The following MGAT5B variants were observed in gnomAD, a reference collection of about 807,000 sequenced individuals.
MGAT5B encodes N-acetylglucosaminyl-transferase Vb.
Under a neutral mutation model 95.1 loss-of-function variants are expected in MGAT5B, and 54 were observed. The ratio of observed to expected loss-of-function variants is 0.57; its 90% CI spans 0.46 to 0.71. MGAT5B has a LOEUF of 0.71. Among genes scored for constraint, MGAT5B ranks in the 30% least tolerant of loss-of-function variants. MGAT5B has a pLI of 0.00. For missense variants in MGAT5B, 935 were observed against 1,088.6 expected (o/e 0.86, Z 1.99); for synonymous variants, 464 against 451.0 (o/e 1.03, Z -0.36).
Position 76,869,042 on chromosome 17 carries a change from A to G in MGAT5B, c.13A>G (p.Asn5Asp), listed in dbSNP as rs1966895303. The change falls in exon 1 of 18, where the codon AAC (asparagine) becomes GAC (aspartate). Residue 5 changes from asparagine to aspartate, a missense_variant. By Grantham distance (23) the Asn-to-Asp change is conservative. Transcript: ENST00000569840. This position sits in a 1 kb window ranked among gnomAD's most constrained non-coding sequence, Gnocchi z 7.0. ...ACAAGTTTGAACAATGATCACCGTC[A>G]ACCCCGATGGGAAGATAATGGTCAG... Reference protein sequence around the residue: MITVNPDGKIMVRRC... With the variant: MITVDPDGKIMVRRC... The G allele has an allele frequency of 6.2e-7, 1 of 1,613,930 alleles. No homozygotes were observed.
chr17:76,913,994 A>G (rs1968837109), intron 8 of MGAT5B: 1 of 344,580 alleles, frequency 2.9e-6, no homozygotes, highest in African/African-American at 2.1e-5. Context: ...CCAGCTACTC[A>G]GGCGACTGAG....
At chr17:76,923,124 A>G (rs1969171871) in intron 8 of MGAT5B, among the ~76,000 whole-genome samples, 1 of 152,136 alleles carries the variant, frequency 6.6e-6, no homozygotes, top group South Asian at 2.1e-4. Context: ...TGCTAACGGG[A>G]TGGTGCGCAC....
intron 3 of MGAT5B, among the ~76,000 whole-genome samples, chr17:76,898,811 G>GT (rs1188744458): frequency 2.6e-5 from 4 of 152,188 alleles, no homozygotes; most frequent in Non-Finnish European, 4.4e-5. Context: ...TGCACCCTAT[G>GT]TGTAGTCTTT....
chr17:76,869,213 C>T lies in MGAT5B; in HGVS notation c.68+116C>T, dbSNP rs951387049. ...GCAGAGGGGGCGGTTCACACTTCAA[C>T]CCCTGGTGATGACCAGTGGGGCTGG... On this transcript the variant is annotated intron_variant, in intron 1 of 17. Transcript: ENST00000569840. The surrounding 1 kb of genome is among the most constrained non-coding windows in gnomAD (Gnocchi z 7.0). The T allele has an allele frequency of 4.4e-6, 4 of 911,710 alleles. No homozygotes were observed. The East Asian group carries it at 7.4e-5, about 17-fold the overall frequency. 56.5% of individuals were successfully genotyped at this position (911,710 alleles called of 1,614,324 possible).
intron 3 of MGAT5B, among the ~76,000 whole-genome samples, chr17:76,901,255 G>A (rs16969481): frequency 0.064 from 9,729 of 152,078 alleles, 827 homozygotes; most frequent in South Asian, 0.19. Context: ...AGACCCGAAC[G>A]GAGCCCAGGT....
chr17:76,899,639 T>C (rs1322064470), intron 3 of MGAT5B, among the ~76,000 whole-genome samples: 1 of 152,000 alleles, frequency 6.6e-6, no homozygotes. Context: ...GTGAGAGCCC[T>C]TCTCTCTCTC....
At chr17:76,927,896 A>G (rs1969364506) in intron 10 of MGAT5B, among the ~76,000 whole-genome samples, 1 of 152,240 alleles carries the variant, frequency 6.6e-6, no homozygotes, top group South Asian at 2.1e-4. Flanking sequence ...AGAGCAACGT[A>G]GACTCTGAGC....
intron 5 of MGAT5B, 76 bp from the exon 6 acceptor site, chr17:76,904,176 G>A (rs1968428795): frequency 2.8e-6 from 4 of 1,439,546 alleles, no homozygotes; most frequent in Non-Finnish European, 2.8e-6. Flanking sequence ...GGACCCCTGG[G>A]GGTGCACGTG....
chr17:76,949,134 G>T lies in MGAT5B; in HGVS notation c.*296G>T. ...GAGTCCGCATGGCCCAGGAGCAGGT[G>T]GTCGGAGGCCCCTGGCTTTGTGCAA... On this transcript the variant is annotated 3_prime_UTR_variant, in exon 18 of 18. Transcript: ENST00000569840. 2.4e-6 allele frequency: 1 copy of T among 420,694 alleles called. No homozygotes were observed. The highest frequency in any genetic ancestry group is 4.3e-6 in the Non-Finnish European group (1 of 233,318). The allele number at this position is 420,694 out of a possible 1,614,324, so 26.1% of individuals were successfully genotyped here.
intron 16 of MGAT5B, 106 bp downstream of exon 16, chr17:76,946,556 C>A: frequency 1.1e-6 from 1 of 903,186 alleles, no homozygotes; most frequent in Non-Finnish European, 1.6e-6. Context: ...AACCATCCAA[C>A]TCCCTGCTCC....
At chr17:76,942,782 C>T (rs1310295202) in intron 15 of MGAT5B, among the ~76,000 whole-genome samples, 1 of 152,186 alleles carries the variant, frequency 6.6e-6, no homozygotes, top group African/African-American at 2.4e-5. Context: ...TACAGGTAGG[C>T]AAGGGGGCTC....
Position 76,940,953 on chromosome 17 carries a change from G to A in MGAT5B, c.1848+105G>A, listed in dbSNP as rs1050135157. Reference sequence around the variant, plus strand: ...CCTCTGGGTGAGTTCAGACTTGCAGGCCTGGGTTGGCAAAGGTGTCCATCC... The same window carrying A: ...CCTCTGGGTGAGTTCAGACTTGCAGACCTGGGTTGGCAAAGGTGTCCATCC... On this transcript the variant is annotated intron_variant, in intron 15 of 17. Coordinates refer to ENST00000569840, the MANE Select transcript of MGAT5B (RefSeq NM_001199172.2). The surrounding 1 kb of genome is among the most constrained non-coding windows in gnomAD (Gnocchi z 4.3). The A allele has an allele frequency of 4.4e-6, 4 of 907,864 alleles. No individual in the cohort carries two copies. The African/African-American group carries it at 4.9e-5, about 11-fold the overall frequency. 56.2% of individuals were successfully genotyped at this position (907,864 alleles called of 1,614,324 possible).
intron 10 of MGAT5B, 97 bp from the exon 11 acceptor site, chr17:76,932,548 G>T: frequency 6.5e-7 from 1 of 1,536,440 alleles, no homozygotes; most frequent in Non-Finnish European, 8.8e-7. Flanking sequence ...TCCCACCCCT[G>T]CCAAAAGAGG....
At chr17:76,872,715 C>T (rs1200164954) in intron 1 of MGAT5B, 136 bp from the exon 2 acceptor site, 8 of 1,556,820 alleles carry the variant, frequency 5.1e-6, no homozygotes, top group Non-Finnish European at 7.0e-6. Context: ...GGAGCTCAGC[C>T]CCCATCCTTT....
intron 2 of MGAT5B, 136 bp from the exon 3 acceptor site, chr17:76,882,015 G>A (rs755671935): frequency 4.7e-6 from 4 of 847,090 alleles, no homozygotes; most frequent in Non-Finnish European, 7.1e-6. Context: ...GGAAGATGGA[G>A]CTGAGGCTGG....
intron 10 of MGAT5B, among the ~76,000 whole-genome samples, chr17:76,927,937 G>C (rs929739645): frequency 3.3e-5 from 5 of 152,264 alleles, no homozygotes; most frequent in African/African-American, 4.8e-5. Flanking sequence ...TGTGAGTAAA[G>C]TATGTGATTT....
At chr17:76,907,055 C>CT (rs111711663) in intron 8 of MGAT5B, among the ~76,000 whole-genome samples, 6,394 of 141,108 alleles carry the variant, frequency 0.045, 151 homozygotes, top group Middle Eastern at 0.081. Flanking sequence ...TATTCCTTTG[C>CT]TTTTTTTTTT....
At chr17:76,882,325 C>A in intron 3 of MGAT5B, 27 bp downstream of exon 3, 2 of 1,571,404 alleles carry the variant, frequency 1.3e-6, no homozygotes, top group Non-Finnish European at 1.7e-6. Flanking sequence ...AGGAGGCACA[C>A]GGAGCAGGGG....
At chr17:76,899,085 C>T (rs1968205890) in intron 3 of MGAT5B, among the ~76,000 whole-genome samples, 3 of 152,204 alleles carry the variant, frequency 2.0e-5, no homozygotes, top group Admixed American at 2.0e-4. Context: ...GAGCCTCGCT[C>T]CAGGGAGAGG....
Sources: allele counts gnomAD v4.1 joint callset (sites outside exome capture counted in the v4.1 genomes callset), GRCh38; gene constraint gnomAD v4.1.1; non-coding constraint Gnocchi (gnomAD v3.1); transcripts MANE v1.5; gene names NCBI Gene and HGNC (gene_info 2026-07-23, HGNC 2026-07-21).